Variants in CORO2A observed in about 807,000 individuals in gnomAD.
CORO2A encodes coronin-2A.
A neutral mutation model predicts 62.4 loss-of-function variants in CORO2A; 47 were observed. The ratio of observed to expected loss-of-function variants is 0.75; its 90% CI spans 0.60 to 0.96. The LOEUF is 0.96. Ranked by LOEUF, CORO2A falls within the 40% of genes least tolerant of loss-of-function variation. CORO2A has a pLI of 0.00. For synonymous variants in CORO2A, 273 were observed against 268.9 expected (o/e 1.02, Z -0.15); for missense variants, 610 against 684.1 (o/e 0.89, Z 1.21).
intron 2 of CORO2A, among the ~76,000 whole-genome samples, chr9:98,138,776 C>T (rs931512773): frequency 4.6e-5 from 7 of 151,978 alleles, no homozygotes; most frequent in Admixed American, 6.6e-5. Context: ...GGGCTGGGCG[C>T]GGTGGCTCAC....
At chr9:98,155,601 T>G (rs1827793440) in intron 2 of CORO2A, among the ~76,000 whole-genome samples, 1 of 152,110 alleles carries the variant, frequency 6.6e-6, no homozygotes, top group Non-Finnish European at 1.5e-5. Context: ...CACCTCAGCC[T>G]CCCAATGTGC....
intron 4 of CORO2A, 150 bp from the exon 5 acceptor site, chr9:98,133,367 T>C (rs1827438818): frequency 2.8e-6 from 2 of 725,390 alleles, no homozygotes; most frequent in South Asian, 1.8e-5. Context: ...GGGAGGATGA[T>C]GTGCAGGCTG....
At chr9:98,150,956 T>A (rs1332539147) in intron 2 of CORO2A, among the ~76,000 whole-genome samples, 1 of 152,200 alleles carries the variant, frequency 6.6e-6, no homozygotes, top group East Asian at 1.9e-4. Context: ...CCAGTCCACT[T>A]CCTTAGGGTA....
chr9:98,167,912 G>T (rs1045757665), intron 1 of CORO2A, among the ~76,000 whole-genome samples: 1 of 152,186 alleles, frequency 6.6e-6, no homozygotes, highest in Non-Finnish European at 1.5e-5. Context: ...AGTGGGTGAG[G>T]GTACAAGAGG....
intron 1 of CORO2A, among the ~76,000 whole-genome samples, chr9:98,158,577 C>A (rs914220290): frequency 5.3e-5 from 8 of 152,060 alleles, no homozygotes; most frequent in African/African-American, 1.9e-4. Flanking sequence ...AGTGAAGAGT[C>A]CTCTGGGTGA....
In CORO2A at chr9:98,122,009, GAC is replaced by G. The variant is rs1827250450; in HGVS notation, c.*2763_*2764del. 1 of 152,122 alleles carries G rather than the reference GAC, an allele frequency of 6.6e-6. No individual in the cohort carries two copies. Among genetic ancestry groups the G allele is most frequent in the African/African-American group, 2.4e-5 (1 of 41,398 alleles). The allele number at this position is 152,122 out of a possible 1,614,324, so 9.4% of individuals were successfully genotyped here. On this transcript the variant is annotated 3_prime_UTR_variant, in exon 12 of 12. Transcript: ENST00000375077. ...GGAACACGAGCATCCGGCCTGTGCA[GAC>G]ATACAAGCAGAATAAACCACAGCTG... is the stretch of plus-strand genomic sequence containing the variant.
At position 98,132,227 on chromosome 9, in the gene CORO2A, G is replaced by T; in HGVS notation, c.723C>A (p.Gly241=). 6.2e-7 allele frequency: 1 copy of T among 1,614,184 alleles called. No individual in the cohort carries two copies. Among genetic ancestry groups the T allele is most frequent in the Non-Finnish European group, 8.5e-7 (1 of 1,180,024 alleles). ...CCTGCCGGTTGTTCCATCGGGATGT[G>T]CCTGTGGACATCAGCTTCTTCAGGT... ...LGNLKKLMST[G]TSRWNNRQVA... Residue 241 remains glycine (G), a synonymous_variant, in exon 6 of 12, where the codon GGC becomes GGA. Transcript: ENST00000375077.
chr9:98,166,516 A>T (rs1827962959), intron 1 of CORO2A, among the ~76,000 whole-genome samples: 1 of 152,244 alleles, frequency 6.6e-6, no homozygotes, highest in Non-Finnish European at 1.5e-5. Flanking sequence ...ACTCAACAAC[A>T]AGCAAGCAAA....
rs376879410 is a variant in CORO2A, at chr9:98,172,729, C to T, written c.1-15069G>A. The T allele has an allele frequency of 6.6e-5, 10 of 152,442 alleles. 1 individual carries two copies. Among genetic ancestry groups the T allele is most frequent in the African/African-American group, 2.4e-4 (10 of 41,582 alleles). 9.4% of individuals were successfully genotyped at this position (152,442 alleles called of 1,614,324 possible). The stretch of plus-strand genomic sequence containing the variant: ...GAGAGGATGGTGAGGTACCTCCTCT[C>T]TGCTTCCAGCCTCCAGGAGCTCCAC... On this transcript the variant is annotated intron_variant, in intron 1 of 11. Coordinates refer to ENST00000375077, the MANE Select transcript of CORO2A (RefSeq NM_052820.4).
chr9:98,138,011 T>C (rs1827512090), intron 2 of CORO2A, among the ~76,000 whole-genome samples: 1 of 152,326 alleles, frequency 6.6e-6, no homozygotes, highest in Admixed American at 6.5e-5. Flanking sequence ...ACACTGCTGG[T>C]AGGCATGTAA....
rs200964561 is a variant in CORO2A, at chr9:98,132,317, C to A, written c.649-16G>T. 3 of 1,604,318 alleles carry A rather than the reference C, an allele frequency of 1.9e-6. No homozygotes were observed. The highest frequency in any genetic ancestry group is 1.3e-5 in the African/African-American group (1 of 74,710). Reference sequence around the variant, plus strand: ...AGCTGGCCTCCTGGAGGGACACGTGCGGTCGGTATTGGAGAGACAGTAGAG... The same window carrying A: ...AGCTGGCCTCCTGGAGGGACACGTGAGGTCGGTATTGGAGAGACAGTAGAG... On this transcript the variant is annotated splice_polypyrimidine_tract_variant and intron_variant, in intron 5 of 11. Transcript: ENST00000375077.
intron 1 of CORO2A, among the ~76,000 whole-genome samples, chr9:98,158,388 CT>C (rs1004625399): frequency 6.6e-6 from 1 of 152,206 alleles, no homozygotes; most frequent in Admixed American, 6.5e-5. Context: ...ATGGCAGATA[CT>C]TGATCAACAG....
In CORO2A at chr9:98,177,457, G is replaced by GTTTTTTT. The variant is rs1174402008; in HGVS notation, c.-1+15095_-1+15101dup. ...GTTAGAGCAATGGGCTCCAAACTTT[G>GTTTTTTT]TTTTTTTTTTTTTTTTTTTTTTTGA... On this transcript the variant is annotated intron_variant, in intron 1 of 11. Coordinates refer to ENST00000375077, the MANE Select transcript of CORO2A (RefSeq NM_052820.4). Among the ~76,000 whole-genome samples, 59 of 98,304 alleles carry GTTTTTTT rather than the reference G, an allele frequency of 6.0e-4. 9 individuals carry two copies. The highest frequency in any genetic ancestry group is 2.4e-3 in the African/African-American group (54 of 22,720). 64.5% of individuals were successfully genotyped at this position (98,304 alleles called of 152,430 possible).
intron 1 of CORO2A, among the ~76,000 whole-genome samples, chr9:98,160,351 A>G (rs1207018033): frequency 2.0e-5 from 3 of 152,238 alleles, no homozygotes; most frequent in Admixed American, 1.3e-4. Context: ...AGGAGGAGTT[A>G]AGCTAGGTGT....
chr9:98,148,530 A>AG (rs35088229), intron 2 of CORO2A, among the ~76,000 whole-genome samples: 27,150 of 151,854 alleles, frequency 0.18, 2,622 homozygotes, highest in African/African-American at 0.24. Flanking sequence ...ACTTAAGCCC[A>AG]GGGGTTCAAG....
intron 10 of CORO2A, 111 bp from the exon 11 acceptor site, chr9:98,126,934 A>G (rs528146850): frequency 1.7e-6 from 2 of 1,206,030 alleles, no homozygotes; most frequent in South Asian, 2.6e-5. Context: ...ATGCAGACCC[A>G]TGCAACATGT....
At chr9:98,178,273 C>T (rs1381769458) in intron 1 of CORO2A, among the ~76,000 whole-genome samples, 2 of 152,174 alleles carry the variant, frequency 1.3e-5, no homozygotes, top group Non-Finnish European at 2.9e-5. Context: ...TATCAAACTC[C>T]TAGCCTCAAG....
chr9:98,175,849 C>T (rs1488129109), intron 1 of CORO2A, among the ~76,000 whole-genome samples: 1 of 152,170 alleles, frequency 6.6e-6, no homozygotes, highest in African/African-American at 2.4e-5. Context: ...TAATATCTGT[C>T]AAGCACTTAG....
Position 98,153,659 on chromosome 9 carries a change from C to CACAT in CORO2A, c.201+3800_201+3801insATGT, listed in dbSNP as rs1430239862. On this transcript the variant is annotated intron_variant, in intron 2 of 11. Coordinates refer to ENST00000375077, the MANE Select transcript of CORO2A (RefSeq NM_052820.4). ...ACTTCTCTGTTTCCAAACACACACA[C>CACAT]ACACACACACACACACACACACACA... 1.6e-4 allele frequency among the ~76,000 whole-genome samples: 24 copies of CACAT among 149,886 alleles called. 1 individual carries two copies. The South Asian group carries it at 4.9e-3, about 31-fold the overall frequency.
Sources: allele counts gnomAD v4.1 joint callset (sites outside exome capture counted in the v4.1 genomes callset), GRCh38; gene constraint gnomAD v4.1.1; transcripts MANE v1.5; gene names NCBI Gene and HGNC (gene_info 2026-07-23, HGNC 2026-07-21).